The following DNAJB4 variants were observed in gnomAD, a reference collection of about 807,000 sequenced individuals.
DNAJB4 encodes the protein DnaJ heat shock protein family (Hsp40) member B4.
In DNAJB4, 10 loss-of-function variants were observed where a neutral mutation model predicts 26.6. That is an observed-to-expected ratio of 0.38 (90% CI 0.23 to 0.64). The LOEUF is 0.64. Among genes scored for constraint, DNAJB4 ranks in the 30% least tolerant of loss-of-function variants. DNAJB4 has a pLI of 0.58. For synonymous variants in DNAJB4, 136 were observed against 134.8 expected (o/e 1.01, Z -0.06); for missense variants, 328 against 408.2 (o/e 0.80, Z 1.69).
chr1:78,004,518 A>C (rs896853125), upstream of DNAJB4: 1 of 151,916 alleles, frequency 6.6e-6, no homozygotes, highest in Non-Finnish European at 1.5e-5. Flanking sequence ...GGTATTATAT[A>C]CTTAACAGAC....
intron 1 of DNAJB4, chr1:77,992,788 G>A (rs960161110): frequency 3.3e-5 from 5 of 151,924 alleles, no homozygotes; most frequent in Non-Finnish European, 5.9e-5. Flanking sequence ...GCAATGGTGC[G>A]ATCTCAGTCA....
At chr1:78,007,301 G>T (rs1446983884) in intron 1 of DNAJB4, among the ~76,000 whole-genome samples, 1 of 152,092 alleles carries the variant, frequency 6.6e-6, no homozygotes, top group African/African-American at 2.4e-5. Context: ...AATTGAATGG[G>T]CCAGGCGCCG....
intron 1 of DNAJB4, among the ~76,000 whole-genome samples, chr1:77,985,076 C>T (rs1659760804): frequency 6.6e-6 from 1 of 151,496 alleles, no homozygotes; most frequent in Non-Finnish European, 1.5e-5. Context: ...GAAGAAGAAT[C>T]TGTACAGAAC....
chr1:78,007,779 A>G (rs1660368788), intron 1 of DNAJB4, among the ~76,000 whole-genome samples: 1 of 152,128 alleles, frequency 6.6e-6, no homozygotes, highest in African/African-American at 2.4e-5. Context: ...CCTTTTATTT[A>G]TCTCCAGACG....
chr1:78,010,884 G>A (rs1287875394), intron 1 of DNAJB4, among the ~76,000 whole-genome samples: 1 of 152,076 alleles, frequency 6.6e-6, no homozygotes, highest in Non-Finnish European at 1.5e-5. Flanking sequence ...AGGACTTTAG[G>A]AATTAGTTCA....
At chr1:77,995,168 A>G (rs1302289552) in intron 1 of DNAJB4, among the ~76,000 whole-genome samples, 30 of 152,220 alleles carry the variant, frequency 2.0e-4, no homozygotes, top group Admixed American at 2.0e-3. Context: ...TTCATTGATA[A>G]TTTGTATTTT....
At chr1:77,998,945 T>C (rs1660129253) in intron 1 of DNAJB4, among the ~76,000 whole-genome samples, 1 of 152,188 alleles carries the variant, frequency 6.6e-6, no homozygotes, top group Admixed American at 6.5e-5. Context: ...CAAAGTTGCA[T>C]TTGTAGCCAT....
intron 1 of DNAJB4, chr1:77,981,260 A>G (rs989687549): frequency 1.3e-5 from 2 of 151,702 alleles, no homozygotes; most frequent in African/African-American, 4.9e-5. Flanking sequence ...CCCAGGTTCA[A>G]GAGATTCTCC....
chr1:78,004,983 C>A lies in DNAJB4; in HGVS notation c.-128C>A. On this transcript the variant is annotated 5_prime_UTR_variant, in exon 1 of 3. Transcript: ENST00000370763. ...CTGTCTGCTTGCTGCCTTAAGACAGCTAGCTGAATTGCTGATTAACTTTTA... is the reference window on the plus strand; with the variant it reads ...CTGTCTGCTTGCTGCCTTAAGACAGATAGCTGAATTGCTGATTAACTTTTA... 1.1e-6 allele frequency: 1 copy of A among 931,100 alleles called. No homozygotes were observed. Among genetic ancestry groups the A allele is most frequent in the Non-Finnish European group, 1.7e-6 (1 of 603,968 alleles). The allele number at this position is 931,100 out of a possible 1,614,324, so 57.7% of individuals were successfully genotyped here.
intron 1 of DNAJB4, among the ~76,000 whole-genome samples, chr1:77,989,109 AT>A (rs143713457): frequency 0.047 from 7,195 of 152,244 alleles, 225 homozygotes; most frequent in East Asian, 0.11. Context: ...TAAACAGAGT[AT>A]TGATACTGTG....
At position 78,005,179 on chromosome 1, in the gene DNAJB4, T is replaced by C; in HGVS notation, c.69T>C (p.Ala23=). The C allele has an allele frequency of 6.2e-7, 1 of 1,614,144 alleles. No individual in the cohort carries two copies. The highest frequency in any genetic ancestry group is 8.5e-7 in the Non-Finnish European group (1 of 1,179,980). The change falls in exon 1 of 3, where the codon GCT becomes GCC. Residue 23 remains alanine, a synonymous_variant. Transcript: ENST00000370763. ...KGASDEDIKK[A]YRKQALKFHP... ...CTTCAGATGAAGATATTAAAAAGGCTTACCGAAAACAAGCCCTCAAATTTC... is the reference window on the plus strand; with the variant it reads ...CTTCAGATGAAGATATTAAAAAGGCCTACCGAAAACAAGCCCTCAAATTTC...
intron 1 of DNAJB4, among the ~76,000 whole-genome samples, chr1:77,982,347 A>G (rs1659672688): frequency 6.6e-6 from 1 of 152,082 alleles, no homozygotes; most frequent in Non-Finnish European, 1.5e-5. Flanking sequence ...TTCTTTTCCT[A>G]TTGGATCATA....
chr1:77,990,863 T>C (rs1178379874), intron 1 of DNAJB4, among the ~76,000 whole-genome samples: 1 of 152,242 alleles, frequency 6.6e-6, no homozygotes, highest in African/African-American at 2.4e-5. Flanking sequence ...CTCATCTCTT[T>C]GTGATTCATT....
chr1:78,006,078 A>G (rs1257542981), intron 1 of DNAJB4, among the ~76,000 whole-genome samples: 1 of 152,212 alleles, frequency 6.6e-6, no homozygotes, highest in Admixed American at 6.5e-5. Context: ...AACATTATTT[A>G]TTTAGAAATT....
upstream of DNAJB4, among the ~76,000 whole-genome samples, chr1:78,001,068 A>G (rs748067975): frequency 6.6e-6 from 1 of 152,038 alleles, no homozygotes; most frequent in Non-Finnish European, 1.5e-5. Flanking sequence ...TCAAGTACCA[A>G]GCACCCTGGT....
intron 1 of DNAJB4, among the ~76,000 whole-genome samples, chr1:77,992,367 C>A (rs1284370623): frequency 7.0e-6 from 1 of 142,060 alleles, no homozygotes; most frequent in Non-Finnish European, 1.5e-5. Context: ...GAGCCGAGAT[C>A]CCGCCACTGC....
intron 1 of DNAJB4, among the ~76,000 whole-genome samples, chr1:77,991,241 C>A (rs1368384081): frequency 6.6e-6 from 1 of 152,128 alleles, no homozygotes; most frequent in African/African-American, 2.4e-5. Flanking sequence ...ATTAATGTTA[C>A]CGTTGTTCAA....
At chr1:78,012,660 T>G (rs1229633845) in intron 1 of DNAJB4, among the ~76,000 whole-genome samples, 1 of 151,950 alleles carries the variant, frequency 6.6e-6, no homozygotes, top group Non-Finnish European at 1.5e-5. Flanking sequence ...AAATACAAAA[T>G]TAGCCGGGCG....
chr1:77,991,066 G>C (rs1437860379), intron 1 of DNAJB4, among the ~76,000 whole-genome samples: 1 of 152,078 alleles, frequency 6.6e-6, no homozygotes, highest in African/African-American at 2.4e-5. Context: ...ACCCAAGTTT[G>C]GGCTTCACAG....
Sources: gnomAD v4.1 joint callset for allele counts (sites outside exome capture counted in the v4.1 genomes callset) on GRCh38, gnomAD v4.1.1 for gene constraint, MANE v1.5 for transcripts, NCBI Gene and HGNC (gene_info 2026-07-23, HGNC 2026-07-21) for gene names.